Variants in ZNF486 observed in about 807,000 individuals in gnomAD.
The protein encoded by ZNF486 is zinc finger protein 486, also known as KRAB box only protein 2.
Under a neutral mutation model 12.8 loss-of-function variants are expected in ZNF486, and 12 were observed. The ratio of observed to expected loss-of-function variants is 0.94; its 90% CI spans 0.60 to 1.52. ZNF486 has a LOEUF of 1.52. Among genes scored for constraint, ZNF486 ranks in the 40% most tolerant of loss-of-function variants. The pLI is 0.00. For synonymous variants in ZNF486, 231 were observed against 184.9 expected, an observed-to-expected ratio of 1.25 and a Z score of -2.02; for missense variants, 738 against 545.0, an observed-to-expected ratio of 1.35 and a Z score of -3.53.
chr19:20,177,152 T>G (rs1307885296), intron 1 of ZNF486: 2 of 152,352 alleles, frequency 1.3e-5, no homozygotes, highest in African/African-American at 4.8e-5. Flanking sequence ...GGGCTGTGCC[T>G]CAGTGGCAGA....
rs2089997644 is a variant in ZNF486, at chr19:20,199,930, C to T, written c.*1828C>T. The stretch of plus-strand genomic sequence containing the variant: ...CTGTACTAAAAATACAAAAATTAGC[C>T]ATGCATGGTGGCCGGCGCGTATAAT... On this transcript the variant is annotated 3_prime_UTR_variant, in exon 4 of 4. Coordinates refer to ENST00000335117, the MANE Select transcript of ZNF486 (RefSeq NM_052852.4). 6.6e-6 allele frequency: 1 copy of T among 151,960 alleles called. No individual in the cohort carries two copies. 9.4% of individuals were successfully genotyped at this position (151,960 alleles called of 1,614,324 possible).
intron 1 of ZNF486, among the ~76,000 whole-genome samples, chr19:20,173,768 C>T (rs1555714268): frequency 6.6e-6 from 1 of 151,650 alleles, no homozygotes; most frequent in Non-Finnish European, 1.5e-5. Context: ...GGAGGTGGGG[C>T]TTGCAGTGAG....
At chr19:20,186,333 G>A (rs1035953746) in intron 3 of ZNF486, among the ~76,000 whole-genome samples, 7 of 152,118 alleles carry the variant, frequency 4.6e-5, no homozygotes, top group African/African-American at 1.2e-4. Context: ...CAGTGAGAGC[G>A]AAATTCCTCT....
At chr19:20,183,194 T>G (rs1354092740) in intron 1 of ZNF486, among the ~76,000 whole-genome samples, 1 of 152,236 alleles carries the variant, frequency 6.6e-6, no homozygotes, top group Admixed American at 6.5e-5. Context: ...TTAAAAATGT[T>G]CCCTTTGTGG....
intron 1 of ZNF486, among the ~76,000 whole-genome samples, chr19:20,172,085 A>T (rs1469690102): frequency 6.6e-6 from 1 of 151,678 alleles, no homozygotes; most frequent in African/African-American, 2.4e-5. Flanking sequence ...GCTCACCACA[A>T]CCTCAACTTC....
At chr19:20,195,748 A>C (rs1326644990) in intron 3 of ZNF486, among the ~76,000 whole-genome samples, 1 of 152,158 alleles carries the variant, frequency 6.6e-6, no homozygotes, top group East Asian at 1.9e-4. Context: ...TTTATTGTTT[A>C]GTTAAATCAG....
chr19:20,194,642 C>A (rs191559665), intron 3 of ZNF486, among the ~76,000 whole-genome samples: 4 of 152,212 alleles, frequency 2.6e-5, no homozygotes, highest in Admixed American at 6.5e-5. Context: ...GCAGGAGAAT[C>A]CCTTGAACCC....
intron 1 of ZNF486, among the ~76,000 whole-genome samples, chr19:20,181,371 C>T (rs1555715551): frequency 6.6e-6 from 1 of 152,024 alleles, no homozygotes; most frequent in East Asian, 1.9e-4. Context: ...AACCCCACCT[C>T]TACTAAGAAT....
At chr19:20,186,196 T>G (rs1162634399) in intron 3 of ZNF486, 114 bp downstream of exon 3, 1 of 631,220 alleles carries the variant, frequency 1.6e-6, no homozygotes, top group Non-Finnish European at 2.6e-6. Context: ...AAGGAAATAG[T>G]TCCTGGGCAG....
In ZNF486 at chr19:20,198,140, T is replaced by C. The variant is rs1370636976; in HGVS notation, c.*38T>C. 2.0e-6 allele frequency: 3 copies of C among 1,496,916 alleles called. No homozygotes were observed. The highest frequency in any genetic ancestry group is 2.8e-5 in the African/African-American group (2 of 70,868). The allele number at this position is 1,496,916 out of a possible 1,614,324, so 92.7% of individuals were successfully genotyped here. On this transcript the variant is annotated 3_prime_UTR_variant, in exon 4 of 4. Coordinates refer to ENST00000335117, the MANE Select transcript of ZNF486 (RefSeq NM_052852.4). ...TTATTATTATTATTTTTTTGAGAGGTAATTCTGCTGTTGTTTCCCAGGCTG... is the reference window on the plus strand; with the variant it reads ...TTATTATTATTATTTTTTTGAGAGGCAATTCTGCTGTTGTTTCCCAGGCTG...
At chr19:20,196,937 G>A (rs782811715) in intron 3 of ZNF486, 27 bp from the exon 4 acceptor site, 1 of 1,518,966 alleles carries the variant, frequency 6.6e-7, no homozygotes, top group East Asian at 2.3e-5. Context: ...AGCAATTGAA[G>A]TAATGTGTTT....
At chr19:20,187,989 T>A (rs1555716753) in intron 3 of ZNF486, among the ~76,000 whole-genome samples, 1 of 152,120 alleles carries the variant, frequency 6.6e-6, no homozygotes, top group African/African-American at 2.4e-5. Context: ...TCTCATTTTA[T>A]TTTTGGACAG....
Position 20,172,652 on chromosome 19 carries a change from C to CTT in ZNF486, c.30+5304_30+5305dup, listed in dbSNP as rs111564628. ...TTTTTCTTGTAAACTTGTTTAAGTT[C>CTT]TTTTTTTTTTTTTGTGAGATGGAGT... On this transcript the variant is annotated intron_variant, in intron 1 of 3. Coordinates refer to ENST00000335117, the MANE Select transcript of ZNF486 (RefSeq NM_052852.4). Among the ~76,000 whole-genome samples the CTT allele has an allele frequency of 1.5e-4, 21 of 140,802 alleles. 1 individual carries two copies. Among genetic ancestry groups the CTT allele is most frequent in the Admixed American group, 2.9e-4 (4 of 13,966 alleles). 92.4% of individuals were successfully genotyped at this position (140,802 alleles called of 152,430 possible). A position where few individuals can be genotyped will look rare whatever the true frequency, so the allele number is the denominator to read the frequency against.
Position 20,197,339 on chromosome 19 carries a change from A to G in ZNF486, c.629A>G (p.Tyr210Cys). ...HKKIDTGEKP[Y>C]KCEECGKAFN... ...AAAATTGATACTGGAGAGAAACCAT[A>G]CAAATGTGAAGAATGTGGCAAAGCC... Residue 210 changes from tyrosine (Y) to cysteine (C), a missense_variant, in exon 4 of 4, where the codon TAC becomes TGC. Physicochemically the swap from Tyr to Cys is radical, Grantham distance 194 (BLOSUM62 -2). Transcript: ENST00000335117. 1 of 1,613,630 alleles carries G rather than the reference A, an allele frequency of 6.2e-7. No individual in the cohort carries two copies. Among genetic ancestry groups the G allele is most frequent in the Non-Finnish European group, 8.5e-7 (1 of 1,179,770 alleles).
chr19:20,168,325 C>A (rs1264747682), intron 1 of ZNF486, among the ~76,000 whole-genome samples: 1 of 151,358 alleles, frequency 6.6e-6, no homozygotes, highest in Non-Finnish European at 1.5e-5. Flanking sequence ...CGCCATCGTA[C>A]TTAAGTGTGC....
At chr19:20,186,784 G>GTTTTTTTTTGT (rs781965467) in intron 3 of ZNF486, among the ~76,000 whole-genome samples, 42 of 122,462 alleles carry the variant, frequency 3.4e-4, no homozygotes, top group African/African-American at 1.3e-3. Flanking sequence ...ATTTTCATAG[G>GTTTTTTTTTGT]TTTTTTTTTT....
chr19:20,192,625 A>G (rs2089913592), intron 3 of ZNF486, among the ~76,000 whole-genome samples: 4 of 152,314 alleles, frequency 2.6e-5, no homozygotes, highest in Admixed American at 1.3e-4. Flanking sequence ...ACTTTGAGAT[A>G]GGGTCTCACT....
intron 1 of ZNF486, among the ~76,000 whole-genome samples, chr19:20,170,168 ATTACAG>A (rs1364821415): frequency 6.6e-6 from 1 of 151,922 alleles, no homozygotes; most frequent in African/African-American, 2.4e-5. Context: ...AAGTGCTGGG[ATTACAG>A]GCGTGAGCCA....
At chr19:20,191,399 G>A (rs1000286265) in intron 3 of ZNF486, among the ~76,000 whole-genome samples, 6 of 150,678 alleles carry the variant, frequency 4.0e-5, no homozygotes, top group Non-Finnish European at 8.9e-5. Context: ...TCTGGGAGGC[G>A]GAGCTTGCAG....
Sources: allele counts gnomAD v4.1 joint callset (sites outside exome capture counted in the v4.1 genomes callset), GRCh38; gene constraint gnomAD v4.1.1; transcripts MANE v1.5; gene names NCBI Gene and HGNC (gene_info 2026-07-23, HGNC 2026-07-21).